CDH18: variants seen among roughly 807,000 people sequenced by gnomAD.
CDH18 encodes the protein cadherin-18.
Under a neutral mutation model 67.9 loss-of-function variants are expected in CDH18, and 31 were observed. The observed-to-expected ratio is 0.46, with a 90% CI of 0.34 to 0.62. The LOEUF is 0.62. CDH18 is among the 20% of genes least tolerant of loss of function. CDH18 has a pLI of 0.01. For missense variants in CDH18, 890 were observed against 975.5 expected (o/e 0.91, Z 1.17); for synonymous variants, 362 against 347.2 (o/e 1.04, Z -0.48).
chr5:20,359,210 T>C (rs1741890142), intron 1 of CDH18, among the ~76,000 whole-genome samples: 1 of 152,070 alleles, frequency 6.6e-6, no homozygotes, highest in South Asian at 2.1e-4. Context: ...GGATTACAAG[T>C]GTGAGCCACC....
At chr5:19,692,985 A>G (rs571765470) in intron 5 of CDH18, among the ~76,000 whole-genome samples, 45 of 152,286 alleles carry the variant, frequency 3.0e-4, no homozygotes, top group African/African-American at 9.4e-4. Context: ...AAGCTATGGA[A>G]TCAACCTAAG....
chr5:19,612,846 T>C (rs1749214128), intron 5 of CDH18, among the ~76,000 whole-genome samples: 1 of 152,034 alleles, frequency 6.6e-6, no homozygotes, highest in African/African-American at 2.4e-5. Flanking sequence ...TTCCTTAAAG[T>C]AGATGGTCCC....
chr5:19,490,385 T>C (rs1224546637), intron 11 of CDH18, among the ~76,000 whole-genome samples: 1 of 127,974 alleles, frequency 7.8e-6, no homozygotes, highest in South Asian at 2.5e-4. Context: ...ATCACATATA[T>C]AAAAATCTGT....
chr5:20,505,937 C>T (rs1003099311), intron 1 of CDH18, among the ~76,000 whole-genome samples: 2 of 152,198 alleles, frequency 1.3e-5, no homozygotes, highest in African/African-American at 4.8e-5. Flanking sequence ...GGACACCACA[C>T]TCACACATGT....
rs1754268688 is a variant in CDH18, at chr5:20,501,528, ATATATATTATATACATAT to A, written c.-580+73916_-580+73933del. On this transcript the variant is annotated intron_variant, in intron 1 of 14. Coordinates refer to the CDH18 transcript ENST00000507958. Reference sequence around the variant, plus strand: ...ATTTTATATATATTATATACATATTATATATATTATATACATATTATATATATAATATATATATATAAT... The same window carrying A: ...ATTTTATATATATTATATACATATTATATATATATAATATATATATATAAT... 6.5e-5 allele frequency among the ~76,000 whole-genome samples: 7 copies of A among 107,832 alleles called. 1 individual carries two copies. The highest frequency in any genetic ancestry group is 3.1e-4 in the South Asian group (1 of 3,218). The allele number at this position is 107,832 out of a possible 152,430, so 70.7% of individuals were successfully genotyped here.
chr5:19,766,485 T>G (rs1269553803), intron 3 of CDH18, among the ~76,000 whole-genome samples: 1 of 152,186 alleles, frequency 6.6e-6, no homozygotes. Context: ...ACTTATCCTG[T>G]AAGTGGTCTC....
intron 1 of CDH18, among the ~76,000 whole-genome samples, chr5:20,481,775 A>G (rs1581083413): frequency 6.6e-6 from 1 of 152,124 alleles, no homozygotes; most frequent in Non-Finnish European, 1.5e-5. Context: ...GAAACACAAC[A>G]TGCTAAAACC....
At chr5:19,935,877 G>A in intron 2 of CDH18, among the ~76,000 whole-genome samples, 1 of 145,320 alleles carries the variant, frequency 6.9e-6, no homozygotes, top group African/African-American at 2.5e-5. Flanking sequence ...CCAAACTTGT[G>A]ATTTTTTTTT....
intron 2 of CDH18, among the ~76,000 whole-genome samples, chr5:20,171,432 T>C (rs978000677): frequency 2.0e-5 from 3 of 152,104 alleles, no homozygotes; most frequent in Admixed American, 2.0e-4. Context: ...GGTACTTCAT[T>C]GTGGTTTTGA....
intron 1 of CDH18, among the ~76,000 whole-genome samples, chr5:20,444,138 G>C (rs1220017383): frequency 6.6e-6 from 1 of 152,062 alleles, no homozygotes; most frequent in African/African-American, 2.4e-5. Flanking sequence ...ATTTCTAGTT[G>C]TATTATAGTC....
At chr5:19,885,691 A>G (rs1788118210) in intron 2 of CDH18, among the ~76,000 whole-genome samples, 1 of 152,136 alleles carries the variant, frequency 6.6e-6, no homozygotes, top group South Asian at 2.1e-4. Flanking sequence ...CTCCTGAGCA[A>G]GCTAGGACTA....
intron 4 of CDH18, among the ~76,000 whole-genome samples, chr5:19,745,739 T>G (rs1347451023): frequency 3.9e-5 from 6 of 151,954 alleles, no homozygotes; most frequent in Admixed American, 1.3e-4. Context: ...AGGGAACGAG[T>G]TTGGCAACTG....
intron 1 of CDH18, among the ~76,000 whole-genome samples, chr5:20,368,125 G>A (rs1367689872): frequency 6.6e-6 from 1 of 152,166 alleles, no homozygotes; most frequent in African/African-American, 2.4e-5. Flanking sequence ...TTTCATTATA[G>A]CAAATATTGA....
intron 1 of CDH18, among the ~76,000 whole-genome samples, chr5:20,344,634 A>G (rs1740555597): frequency 6.6e-6 from 1 of 152,072 alleles, no homozygotes; most frequent in Non-Finnish European, 1.5e-5. Flanking sequence ...TTCTCGGGAA[A>G]GGTAGAAAAG....
intron 5 of CDH18, among the ~76,000 whole-genome samples, chr5:19,643,021 C>G (rs1272358710): frequency 1.3e-5 from 2 of 151,890 alleles, no homozygotes. Flanking sequence ...GAATTAAAAA[C>G]AAGTAAAGAT....
At chr5:19,482,177 G>A (rs79628570) in intron 12 of CDH18, among the ~76,000 whole-genome samples, 27,375 of 151,526 alleles carry the variant, frequency 0.18, 2,787 homozygotes, top group South Asian at 0.25. Flanking sequence ...GTGCAGTGGC[G>A]CGATCTCAGC....
intron 5 of CDH18, among the ~76,000 whole-genome samples, chr5:19,616,096 A>G (rs545554751): frequency 6.6e-6 from 1 of 152,288 alleles, no homozygotes; most frequent in East Asian, 1.9e-4. Flanking sequence ...GAAATTGTGA[A>G]CAGTGTTGAA....
chr5:20,544,698 C>T lies in CDH18; in HGVS notation c.-580+30764G>A, dbSNP rs183244680. 2.1e-3 allele frequency among the ~76,000 whole-genome samples: 318 copies of T among 152,260 alleles called. 1 individual carries two copies. Among genetic ancestry groups the T allele is most frequent in the Non-Finnish European group, 3.5e-3 (241 of 68,024 alleles). ...ATAATCCAATCACCTCCCACCAGGT[C>T]CCACCCTCAACGTGTGAGGATTACA... On this transcript the variant is annotated intron_variant, in intron 1 of 14. Coordinates refer to the CDH18 transcript ENST00000507958.
At chr5:20,259,956 AAAGT>A (rs1324344635) in intron 1 of CDH18, among the ~76,000 whole-genome samples, 27 of 152,040 alleles carry the variant, frequency 1.8e-4, no homozygotes, top group African/African-American at 6.3e-4. Context: ...ATGGCTGCTG[AAAGT>A]ATGTCTTACA....
Sources: allele counts gnomAD v4.1 joint callset (sites outside exome capture counted in the v4.1 genomes callset), GRCh38; gene constraint gnomAD v4.1.1; transcripts MANE v1.5; gene names NCBI Gene and HGNC (gene_info 2026-07-23, HGNC 2026-07-21).